The following COA1 variants were observed in gnomAD, a reference collection of about 807,000 sequenced individuals.
The protein encoded by COA1 is cytochrome c oxidase assembly factor 1 homolog.
Under a neutral mutation model 16.0 loss-of-function variants are expected in COA1, and 13 were observed. The ratio of observed to expected loss-of-function variants is 0.81; its 90% CI spans 0.53 to 1.29. The LOEUF (loss-of-function observed/expected upper bound fraction) is 1.29, where lower values mean the gene tolerates loss of function less well. Ranked by LOEUF, COA1 falls within the 50% of genes most tolerant of loss-of-function variation. The probability of loss-of-function intolerance (pLI) is 0.00; values close to 1 mark genes in which losing one functional copy is unlikely to be tolerated. For missense variants in COA1, 179 were observed against 177.0 expected (o/e 1.01, Z -0.06); for synonymous variants, 65 against 65.7 (o/e 0.99, Z 0.05).
chr7:43,694,837 A>C (rs2094480977), intron 1 of COA1, among the ~76,000 whole-genome samples: 1 of 152,108 alleles, frequency 6.6e-6, no homozygotes, highest in African/African-American at 2.4e-5. Context: ...TCCACATCTC[A>C]ACCTGAATGC....
chr7:43,691,066 A>AC (rs1227436964), intron 1 of COA1, among the ~76,000 whole-genome samples: 64 of 135,422 alleles, frequency 4.7e-4, no homozygotes, highest in Middle Eastern at 7.1e-3. Context: ...AAAAAAAAAA[A>AC]AAAAAAAAAA....
intron 1 of COA1, among the ~76,000 whole-genome samples, chr7:43,672,773 CAAA>C (rs34219718): frequency 2.5e-4 from 25 of 100,780 alleles, no homozygotes; most frequent in Non-Finnish European, 3.5e-4. Flanking sequence ...CATCTCAAAC[CAAA>C]AAAAAAAAAA....
At chr7:43,621,295 A>G (rs1157826219) in intron 6 of COA1, among the ~76,000 whole-genome samples, 3 of 152,200 alleles carry the variant, frequency 2.0e-5, no homozygotes, top group African/African-American at 7.2e-5. Flanking sequence ...CCACTAAGTT[A>G]GTTTTGGGGA....
intron 1 of COA1, among the ~76,000 whole-genome samples, chr7:43,696,303 A>G (rs898323999): frequency 1.3e-5 from 2 of 152,226 alleles, no homozygotes; most frequent in Admixed American, 6.5e-5. Flanking sequence ...CACTATCACG[A>G]GAACAGTATG....
intron 6 of COA1, among the ~76,000 whole-genome samples, chr7:43,617,327 G>A (rs2083446196): frequency 6.6e-6 from 1 of 152,280 alleles, no homozygotes; most frequent in South Asian, 2.1e-4. Context: ...CTTCAATGTG[G>A]GCAAAACAGA....
At chr7:43,684,683 C>T (rs570805454) in intron 1 of COA1, among the ~76,000 whole-genome samples, 13 of 152,244 alleles carry the variant, frequency 8.5e-5, no homozygotes, top group African/African-American at 1.9e-4. Flanking sequence ...AAGTACAAGA[C>T]GCCACCATCT....
At chr7:43,655,299 G>A (rs2091531413) in intron 1 of COA1, among the ~76,000 whole-genome samples, 1 of 152,044 alleles carries the variant, frequency 6.6e-6, no homozygotes, top group Admixed American at 6.6e-5. Flanking sequence ...TATTAGCCGG[G>A]CATAGTGGCA....
intron 1 of COA1, among the ~76,000 whole-genome samples, chr7:43,654,374 T>C (rs557674596): frequency 1.3e-5 from 2 of 152,018 alleles, no homozygotes; most frequent in South Asian, 4.2e-4. Flanking sequence ...AATAAAAGAA[T>C]ATGGAGAAAA....
intron 1 of COA1, among the ~76,000 whole-genome samples, chr7:43,717,135 C>A (rs2095411610): frequency 6.6e-6 from 1 of 152,216 alleles, no homozygotes; most frequent in African/African-American, 2.4e-5. Context: ...CACACAGAGT[C>A]CCTACTGGGG....
intron 1 of COA1, among the ~76,000 whole-genome samples, chr7:43,709,434 T>TTGTGTGTG (rs59823123): frequency 0.018 from 2,678 of 144,952 alleles, 28 homozygotes; most frequent in East Asian, 0.031. Flanking sequence ...CTTTGTTTTA[T>TTGTGTGTG]TGTGTGTGTG....
chr7:43,640,256 A>T (rs10486756), intron 5 of COA1, among the ~76,000 whole-genome samples: 22,181 of 152,266 alleles, frequency 0.15, 2,186 homozygotes, highest in Non-Finnish European at 0.21. Flanking sequence ...ATTCATTTAT[A>T]ACAATTGAGG....
rs192954828 is a variant in COA1, at chr7:43,715,371, G to A, written c.-39+14058C>T. The stretch of plus-strand genomic sequence containing the variant: ...CAAGCACCTGTAGTCCCAGCTACTC[G>A]GAAGGCTGAGGCAGGAGAATGGCGT... On this transcript the variant is annotated intron_variant, in intron 1 of 5. Transcript: ENST00000223336. 2.6e-3 allele frequency among the ~76,000 whole-genome samples: 391 copies of A among 151,882 alleles called. 1 individual carries two copies. Among genetic ancestry groups the A allele is most frequent in the African/African-American group, 8.7e-3 (359 of 41,406 alleles).
intron 1 of COA1, among the ~76,000 whole-genome samples, chr7:43,698,209 T>TAA (rs2094589776): frequency 6.6e-6 from 1 of 152,306 alleles, no homozygotes; most frequent in Admixed American, 6.5e-5. Context: ...AAAACAAACG[T>TAA]TTAGCCAGTA....
chr7:43,694,646 T>C (rs1194514329), intron 1 of COA1, among the ~76,000 whole-genome samples: 4 of 152,250 alleles, frequency 2.6e-5, no homozygotes, highest in South Asian at 2.1e-4. Flanking sequence ...TCTCTGTTAT[T>C]GGTAAGCCTT....
chr7:43,711,038 G>A (rs2131745156), intron 1 of COA1, among the ~76,000 whole-genome samples: 1 of 151,524 alleles, frequency 6.6e-6, no homozygotes, highest in South Asian at 2.1e-4. Flanking sequence ...TTTGTAAAAA[G>A]ATGTTGGATC....
At chr7:43,635,148 A>ATAAT (rs532164976), downstream of COA1, among the ~76,000 whole-genome samples, 1 of 152,202 alleles carries the variant, frequency 6.6e-6, no homozygotes, top group Non-Finnish European at 1.5e-5. Context: ...TAACTTTTAT[A>ATAAT]TAATTTTATA....
At chr7:43,691,406 AG>A (rs1249714321) in intron 1 of COA1, among the ~76,000 whole-genome samples, 39 of 115,856 alleles carry the variant, frequency 3.4e-4, no homozygotes, top group Admixed American at 1.0e-3. Flanking sequence ...GAAGGAAGGA[AG>A]GAAGGAAGAA....
At chr7:43,621,643 T>G (rs957874921) in intron 6 of COA1, among the ~76,000 whole-genome samples, 8 of 152,144 alleles carry the variant, frequency 5.3e-5, no homozygotes, top group Non-Finnish European at 1.0e-4. Context: ...AGTTTTTTGT[T>G]TGTTTTTTTG....
chr7:43,704,171 A>C (rs968610401), intron 1 of COA1, among the ~76,000 whole-genome samples: 1 of 152,172 alleles, frequency 6.6e-6, no homozygotes, highest in Non-Finnish European at 1.5e-5. Context: ...TTTCTGCTGA[A>C]AGGCCTCCTA....
Sources: allele counts gnomAD v4.1 joint callset (sites outside exome capture counted in the v4.1 genomes callset), GRCh38; gene constraint gnomAD v4.1.1; transcripts MANE v1.5; gene names NCBI Gene and HGNC (gene_info 2026-07-23, HGNC 2026-07-21).